DLGAP1: variants seen among roughly 807,000 people sequenced by gnomAD.
DLGAP1 encodes disks large-associated protein 1.
In DLGAP1, 11 loss-of-function variants were observed where a neutral mutation model predicts 90.8. That is an observed-to-expected ratio of 0.12 (90% confidence interval 0.08 to 0.20). DLGAP1 has a LOEUF of 0.20. Among genes scored for constraint, DLGAP1 ranks in the 10% least tolerant of loss-of-function variants. The probability of loss-of-function intolerance (pLI) is 1.00; values close to 1 mark genes in which losing one functional copy is unlikely to be tolerated. For missense variants in DLGAP1, 1,050 were observed against 1,333.8 expected (o/e 0.79, Z 3.31); for synonymous variants, 558 against 540.7 (o/e 1.03, Z -0.44).
intron 1 of DLGAP1, among the ~76,000 whole-genome samples, chr18:4,450,745 T>C (rs772738538): frequency 3.3e-5 from 5 of 152,138 alleles, no homozygotes; most frequent in Non-Finnish European, 5.9e-5. Flanking sequence ...GACAGAGAAA[T>C]TGTCAATGGC....
chr18:4,148,581 C>T (rs2076624132), intron 2 of DLGAP1, among the ~76,000 whole-genome samples: 1 of 152,144 alleles, frequency 6.6e-6, no homozygotes, highest in Admixed American at 6.6e-5. Context: ...GGGCCCTTCA[C>T]TCAGTTTGCA....
intron 2 of DLGAP1, among the ~76,000 whole-genome samples, chr18:4,128,625 T>C (rs1479686878): frequency 1.3e-5 from 2 of 152,144 alleles, no homozygotes; most frequent in African/African-American, 4.8e-5. Context: ...AACTGCTAAG[T>C]TCCTACAGAG....
intron 5 of DLGAP1, among the ~76,000 whole-genome samples, chr18:3,804,790 C>T (rs1057095616): frequency 5.9e-5 from 9 of 152,196 alleles, no homozygotes; most frequent in Non-Finnish European, 5.9e-5. Flanking sequence ...TCTGGGATGA[C>T]GACTCTGTGC....
At chr18:3,703,425 C>G (rs1019821539) in intron 7 of DLGAP1, among the ~76,000 whole-genome samples, 2 of 152,190 alleles carry the variant, frequency 1.3e-5, no homozygotes, top group Non-Finnish European at 2.9e-5. Context: ...ATAAATGAGA[C>G]TGGTAGTGAA....
At chr18:4,201,578 T>G (rs951490804) in intron 1 of DLGAP1, among the ~76,000 whole-genome samples, 1 of 152,128 alleles carries the variant, frequency 6.6e-6, no homozygotes, top group Non-Finnish European at 1.5e-5. Context: ...TTTGTTCTTT[T>G]TGCTTAGGAT....
At chr18:3,638,619 T>C (rs1306313342) in intron 7 of DLGAP1, among the ~76,000 whole-genome samples, 1 of 152,232 alleles carries the variant, frequency 6.6e-6, no homozygotes, top group Non-Finnish European at 1.5e-5. Context: ...TATATCTTAC[T>C]GCCTTGGATG....
At chr18:3,550,997 T>A (rs1004907344) in intron 9 of DLGAP1, among the ~76,000 whole-genome samples, 1 of 151,842 alleles carries the variant, frequency 6.6e-6, no homozygotes, top group Non-Finnish European at 1.5e-5. Context: ...CACCTAGGCC[T>A]CCCAAAGTGC....
intron 8 of DLGAP1, among the ~76,000 whole-genome samples, chr18:3,576,507 C>T (rs2055149489): frequency 6.6e-6 from 1 of 151,908 alleles, no homozygotes; most frequent in Non-Finnish European, 1.5e-5. Flanking sequence ...GATCCGCCTG[C>T]CTTGACCTCC....
In DLGAP1 at chr18:3,933,506, T is replaced by C. The variant is rs1279189589; in HGVS notation, c.-72-53366A>G. On this transcript the variant is annotated intron_variant, in intron 3 of 12. Transcript: ENST00000315677. Reference sequence around the variant, plus strand: ...TCAAGTTTGATGGATTCAAAGCTTATTGATTAATGAAAGGACTCTTGTCTC... The same window carrying C: ...TCAAGTTTGATGGATTCAAAGCTTACTGATTAATGAAAGGACTCTTGTCTC... Among the ~76,000 whole-genome samples, 4 of 152,262 alleles carry C rather than the reference T, an allele frequency of 2.6e-5. No homozygotes were observed. In the South Asian group the frequency reaches 8.3e-4, roughly 32 times the overall value.
At chr18:3,601,083 T>C (rs1240277628) in intron 7 of DLGAP1, among the ~76,000 whole-genome samples, 1 of 149,580 alleles carries the variant, frequency 6.7e-6, no homozygotes, top group Non-Finnish European at 1.5e-5. Context: ...TATAGATAGA[T>C]ATATAGATAT....
chr18:3,867,646 G>A (rs750719899), intron 4 of DLGAP1, among the ~76,000 whole-genome samples: 10 of 152,178 alleles, frequency 6.6e-5, no homozygotes, highest in Non-Finnish European at 1.3e-4. Flanking sequence ...GTGGGGCCTC[G>A]TAGGCAAAAG....
intron 5 of DLGAP1, among the ~76,000 whole-genome samples, chr18:3,749,345 G>T (rs558868651): frequency 2.1e-4 from 32 of 151,654 alleles, no homozygotes; most frequent in South Asian, 1.5e-3. Context: ...AGAGAGGGGG[G>T]TTTCACCATT....
At chr18:4,162,288 T>A (rs2076860200) in intron 1 of DLGAP1, among the ~76,000 whole-genome samples, 1 of 152,166 alleles carries the variant, frequency 6.6e-6, no homozygotes, top group African/African-American at 2.4e-5. Context: ...ATTGAAAGGA[T>A]TATTGGTATC....
rs148847446 is a variant in DLGAP1 at position 3,926,874 on chromosome 18, C to A, written c.-72-46734G>T. Among the ~76,000 whole-genome samples, 42 of 151,912 alleles carry A rather than the reference C, an allele frequency of 2.8e-4. 1 individual carries two copies. The East Asian group carries it at 6.2e-3, about 22-fold the overall frequency. The stretch of plus-strand genomic sequence containing the variant: ...GTTTCTTCCAGGGCTGGGGCTGGGG[C>A]AACATGAGGTGAGCCTGTAACATGT... On this transcript the variant is annotated intron_variant, in intron 3 of 12. Coordinates refer to ENST00000315677, the MANE Select transcript of DLGAP1 (RefSeq NM_004746.4).
chr18:3,788,067 C>G (rs2065542651), intron 5 of DLGAP1, among the ~76,000 whole-genome samples: 1 of 152,224 alleles, frequency 6.6e-6, no homozygotes, highest in African/African-American at 2.4e-5. Flanking sequence ...ACTGCATGTT[C>G]TTCAAGCTCA....
At chr18:4,045,465 A>AAAAAAG (rs2075038289) in intron 2 of DLGAP1, among the ~76,000 whole-genome samples, 1 of 130,194 alleles carries the variant, frequency 7.7e-6, no homozygotes, top group African/African-American at 2.9e-5. Context: ...AAAAAAAAAA[A>AAAAAAG]GCTTGCCCCT....
chr18:3,533,845 A>G lies in DLGAP1; in HGVS notation c.2479+349T>C, dbSNP rs372503237. Among the ~76,000 whole-genome samples the G allele has an allele frequency of 4.4e-4, 67 of 152,324 alleles. 1 individual carries two copies. In the South Asian group the frequency reaches 7.5e-3, roughly 17 times the overall value. ...GATGTTTTGATTAGAATTATTTTCA[A>G]TCCCCTGAGGATCAGCAACATTCCA... On this transcript the variant is annotated intron_variant, in intron 10 of 12. Transcript: ENST00000315677.
At chr18:3,541,095 G>A (rs1007216718) in intron 9 of DLGAP1, among the ~76,000 whole-genome samples, 3 of 152,170 alleles carry the variant, frequency 2.0e-5, no homozygotes, top group African/African-American at 7.2e-5. Flanking sequence ...ACTGACCCGA[G>A]GTAACTAACA....
chr18:3,919,950 C>A (rs1379780705), intron 3 of DLGAP1, among the ~76,000 whole-genome samples: 2 of 152,172 alleles, frequency 1.3e-5, no homozygotes, highest in African/African-American at 4.8e-5. Context: ...TGGGAGACTA[C>A]AGTCATCTCC....
Sources: gnomAD v4.1 joint callset for allele counts (sites outside exome capture counted in the v4.1 genomes callset) on GRCh38, gnomAD v4.1.1 for gene constraint, MANE v1.5 for transcripts, NCBI Gene and HGNC (gene_info 2026-07-23, HGNC 2026-07-21) for gene names.